TROAP: variants seen among roughly 807,000 people sequenced by gnomAD.
TROAP encodes the protein trophinin associated protein.
In TROAP, 62 loss-of-function variants were observed where a neutral mutation model predicts 83.4. The observed-to-expected ratio is 0.74, with a 90% CI of 0.61 to 0.92. The LOEUF (loss-of-function observed/expected upper bound fraction) is 0.92. Among genes scored for constraint, TROAP ranks in the 40% least tolerant of loss-of-function variants. The pLI, the probability that TROAP is intolerant of heterozygous loss-of-function variation, is 0.00. For missense variants in TROAP, 876 were observed against 985.1 expected (o/e 0.89, Z 1.48); for synonymous variants, 352 against 386.4 (o/e 0.91, Z 1.04).
At position 49,325,551 on chromosome 12, in the gene TROAP, A is replaced by G. The variant is rs1392367405; in HGVS notation, c.388A>G (p.Ile130Val). 6.2e-7 allele frequency: 1 copy of G among 1,613,888 alleles called. No homozygotes were observed. Among genetic ancestry groups the G allele is most frequent in the Non-Finnish European group, 8.5e-7 (1 of 1,180,004 alleles). ...GGCTGACCCTGCAGCCCTGGCCACC[A>G]TCCTGTCAGGTGAGGGTGTGAAGAG... is the stretch of plus-strand genomic sequence containing the variant. ...FVADPAALAT[I>V]LSGEGVKSCH... Residue 130 changes from isoleucine (I) to valine (V), a missense_variant, in exon 4 of 15, where the codon ATC (isoleucine) becomes GTC (valine). Ile to Val is a conservative substitution (Grantham distance 29, BLOSUM62 3). Coordinates refer to ENST00000257909, the MANE Select transcript of TROAP (RefSeq NM_005480.4).
rs1194070116 is a variant in TROAP, at chr12:49,325,709, A to C, written c.496-38A>C. 3 of 1,613,074 alleles carry C rather than the reference A, an allele frequency of 1.9e-6. No individual in the cohort carries two copies. In the South Asian group the frequency reaches 3.3e-5, roughly 18 times the overall value. On this transcript the variant is annotated intron_variant, in intron 4 of 14. Coordinates refer to ENST00000257909, the MANE Select transcript of TROAP (RefSeq NM_005480.4). ...CAGGCTAGGGGGCACTGAGGGGGGC[A>C]TCCTGAGCAGTGCTGACAGCCTCTG...
In TROAP at chr12:49,330,142, C is replaced by T; in HGVS notation, c.1300-3C>T. The T allele has an allele frequency of 4.3e-6, 7 of 1,613,060 alleles. 2 individuals are homozygous for T. In the African/African-American group the frequency reaches 6.7e-5, roughly 15 times the overall value. ...CACACTGGGGTGCTCTCTCCCACCA[C>T]AGCGCATCGGTATCCTGCAACAGCT... On this transcript the variant is annotated splice_polypyrimidine_tract_variant and splice_region_variant and intron_variant, in intron 12 of 14. Coordinates refer to ENST00000257909, the MANE Select transcript of TROAP (RefSeq NM_005480.4).
In TROAP at chr12:49,329,982, G is replaced by A; in HGVS notation, c.1290G>A (p.Val430=). The A allele has an allele frequency of 6.2e-7, 1 of 1,614,090 alleles. No homozygotes were observed. Residue 430 remains valine, a synonymous_variant, in exon 12 of 15, where the codon GTG becomes GTA. Transcript: ENST00000257909. The surrounding 1 kb of genome is among the most constrained non-coding windows in gnomAD (Gnocchi z 4.5). ...ACAGAACCCCCAGCCTCCAGGAGGT[G>A]AAGATTCAAGTGAGTCTGTGTGGCC... ...HSNRTPSLQE[V]KIQRIGILQQ... is the part of the protein sequence containing the mutation.
intron 8 of TROAP, among the ~76,000 whole-genome samples, chr12:49,328,483 G>T (rs1028407126): frequency 2.6e-5 from 4 of 151,992 alleles, no homozygotes; most frequent in South Asian, 2.1e-4. Context: ...TCGGCTTCCC[G>T]AAGTGCTGGG....
intron 3 of TROAP, among the ~76,000 whole-genome samples, chr12:49,325,077 A>AT (rs966570096): frequency 6.7e-6 from 1 of 150,180 alleles, no homozygotes; most frequent in Non-Finnish European, 1.5e-5. Flanking sequence ...GGTCCAGCTA[A>AT]TTTTTTTTTG....
rs758370419 is a variant in TROAP, at chr12:49,330,557, G to T, written c.1712G>T (p.Arg571Leu). The T allele has an allele frequency of 3.7e-6, 6 of 1,611,706 alleles. No homozygotes were observed. The highest frequency in any genetic ancestry group is 2.2e-5 in the East Asian group (1 of 44,790). ...GAGCCTGAGATACCGGAGTCCTCTC[G>T]CCAGGAACAGCTTGAGGTACCTGAG... ...RSEPEIPESS[R>L]QEQLEVPEPC... Residue 571 changes from arginine to leucine, a missense_variant, in exon 13 of 15, where the codon CGC becomes CTC. Arg to Leu is a moderately radical substitution (Grantham distance 102, BLOSUM62 -2). Around this residue, in one of 3 missense-constraint regions of TROAP, gnomAD observed 689 missense variants for 722.6 expected, o/e 0.95. Transcript: ENST00000257909.
intron 8 of TROAP, among the ~76,000 whole-genome samples, chr12:49,327,789 AT>A (rs1198927237): frequency 2.6e-5 from 4 of 150,946 alleles, no homozygotes; most frequent in Non-Finnish European, 5.9e-5. Context: ...TCTCTCTAAA[AT>A]AATAATAATA....
chr12:49,328,169 TG>T (rs1943527302), intron 8 of TROAP, among the ~76,000 whole-genome samples: 1 of 149,054 alleles, frequency 6.7e-6, no homozygotes, highest in Non-Finnish European at 1.5e-5. Flanking sequence ...TGGAAAGCCA[TG>T]GGGAGAGGGG....
Position 49,329,063 on chromosome 12 carries a change from TCAA to T in TROAP, c.1020+13_1020+15del. 1 of 1,612,276 alleles carries T rather than the reference TCAA, an allele frequency of 6.2e-7. No individual in the cohort carries two copies. The highest frequency in any genetic ancestry group is 8.5e-7 in the Non-Finnish European group (1 of 1,178,686). On this transcript the variant is annotated intron_variant, in intron 9 of 14. Transcript: ENST00000257909. The surrounding 1 kb of genome is among the most constrained non-coding windows in gnomAD (Gnocchi z 4.5). ...CCAGGCCCTCCAACTCTGGTTTGTG[TCAA>T]CAACTGGGGGCTGGGCAGGGGCAGA... is the stretch of plus-strand genomic sequence containing the variant.
In TROAP at chr12:49,330,336, C is replaced by G. The variant is rs766368043; in HGVS notation, c.1491C>G (p.His497Gln). ...GTSHLPGLLK[H>Q]SGLPKPCLPE... ...CCCACCTTCCTGGACTGTTAAAACA[C>G]TCAGGGCTGCCAAAGCCCTGTCTTC... Residue 497 changes from histidine to glutamine, a missense_variant, in exon 13 of 15, where the codon CAC becomes CAG. This residue lies in a region of TROAP where 689 missense variants were observed against 722.6 expected (regional missense o/e 0.95). Coordinates refer to ENST00000257909, the MANE Select transcript of TROAP (RefSeq NM_005480.4). The G allele has an allele frequency of 1.9e-6, 3 of 1,614,150 alleles. No homozygotes were observed. The highest frequency in any genetic ancestry group is 2.5e-6 in the Non-Finnish European group (3 of 1,179,984).
Position 49,331,602 on chromosome 12 carries a change from C to G in TROAP, c.2322C>G (p.Pro774=), listed in dbSNP as rs1943584753. ...LCFIPVGSAA[P]QGSP ...TCATTCCAGTTGGTTCTGCTGCCCC[C>G]CAGGGCTCTCCATGATGAGACAACC... The change falls in exon 15 of 15, where the codon CCC becomes CCG. Residue 774 remains proline, a synonymous_variant. Coordinates refer to ENST00000257909, the MANE Select transcript of TROAP (RefSeq NM_005480.4). The G allele has an allele frequency of 1.2e-6, 2 of 1,614,050 alleles. No individual in the cohort carries two copies. Among genetic ancestry groups the G allele is most frequent in the Non-Finnish European group, 1.7e-6 (2 of 1,180,034 alleles).
rs376240230 is a variant in TROAP at position 49,329,120 on chromosome 12, C to T, written c.1021-41C>T. ...GTCTGGCCGGAGATCCTTGCTATGT[C>T]TGGGTTTTGTCCCTGCTCAGCCACC... On this transcript the variant is annotated intron_variant, in intron 9 of 14. Transcript: ENST00000257909. The surrounding 1 kb of genome is among the most constrained non-coding windows in gnomAD (Gnocchi z 4.5). 23 of 1,614,144 alleles carry T rather than the reference C, an allele frequency of 1.4e-5. No homozygotes were observed. In the South Asian group the frequency reaches 2.3e-4, roughly 16 times the overall value.
At chr12:49,326,259 A>T (rs1199101293) in intron 6 of TROAP, 101 bp downstream of exon 6, 1 of 1,171,986 alleles carries the variant, frequency 8.5e-7, no homozygotes, top group African/African-American at 1.5e-5. Context: ...GAGCTTTAGG[A>T]CTCCCCACCA....
intron 7 of TROAP, among the ~76,000 whole-genome samples, 157 bp from the exon 8 acceptor site, chr12:49,327,052 T>C (rs1263857185): frequency 6.6e-6 from 1 of 152,192 alleles, no homozygotes; most frequent in African/African-American, 2.4e-5. Context: ...TTTACTGAGA[T>C]AGTGTTGGGT....
chr12:49,323,691 A>G lies in TROAP; in HGVS notation c.83A>G (p.Lys28Arg), dbSNP rs778926034. Residue 28 changes from lysine (K) to arginine (R), a missense_variant, in exon 2 of 15, where the codon AAA becomes AGA. Physicochemically the swap from Lys to Arg is conservative, Grantham distance 26. This residue lies in a region of TROAP where 689 missense variants were observed against 722.6 expected (regional missense o/e 0.95). Transcript: ENST00000257909. ...TPSKIPVRSQKRTPFPTVTSC... is the reference protein window; with the variant it reads ...TPSKIPVRSQRRTPFPTVTSC... Reference sequence around the variant, plus strand: ...AGCAAGATTCCGGTACGCTCTCAGAAACGCACGCCTTTCCCCACTGTTACA... The same window carrying G: ...AGCAAGATTCCGGTACGCTCTCAGAGACGCACGCCTTTCCCCACTGTTACA... 6.2e-7 allele frequency: 1 copy of G among 1,614,124 alleles called. No individual in the cohort carries two copies. The highest frequency in any genetic ancestry group is 8.5e-7 in the Non-Finnish European group (1 of 1,180,028).
In TROAP at chr12:49,323,351, T is replaced by TAAGGC. The variant is rs1217317956; in HGVS notation, c.-6+4_-6+8dup. The TAAGGC allele has an allele frequency of 6.2e-5, 29 of 467,568 alleles. No individual in the cohort carries two copies. Among genetic ancestry groups the TAAGGC allele is most frequent in the South Asian group, 4.0e-4 (12 of 29,776 alleles). The allele number at this position is 467,568 out of a possible 1,614,324, so 29.0% of individuals were successfully genotyped here. A position where few individuals can be genotyped will look rare whatever the true frequency, so the allele number is the denominator to read the frequency against. ...TAGGCCCTGAGGGGCCTCGGTAAGG[T>TAAGGC]AAGGCACGGGGGTCTTGAAGGGAAC... On this transcript the variant is annotated splice_region_variant and intron_variant, in intron 1 of 14. Transcript: ENST00000257909.
intron 3 of TROAP, chr12:49,324,563 G>A (rs1943464928): frequency 5.7e-6 from 1 of 176,712 alleles, no homozygotes; most frequent in Admixed American, 6.0e-5. Flanking sequence ...CCAGTGCTTA[G>A]AATAGTGTCT....
chr12:49,327,419 A>G, intron 8 of TROAP, 89 bp downstream of exon 8: 2 of 1,550,614 alleles, frequency 1.3e-6, no homozygotes, highest in Non-Finnish European at 8.8e-7. Context: ...TGAGAATTGT[A>G]GGTAGAGCCA....
At position 49,331,053 on chromosome 12, in the gene TROAP, AC is replaced by A. The variant is rs749911194; in HGVS notation, c.2098+113del. The stretch of plus-strand genomic sequence containing the variant: ...GCAATCTCATGCTTCCACACCTTCC[AC>A]CCTGGCCCAGCCTGGCTCTCCCTCA... On this transcript the variant is annotated intron_variant, in intron 13 of 14. Transcript: ENST00000257909. 7.8e-6 allele frequency: 12 copies of A among 1,541,536 alleles called. No individual in the cohort carries two copies. In the East Asian group the frequency reaches 2.5e-4, roughly 32 times the overall value.
Sources: allele counts gnomAD v4.1 joint callset (sites outside exome capture counted in the v4.1 genomes callset), GRCh38; gene constraint gnomAD v4.1.1; regional missense constraint gnomAD v4.1.1; non-coding constraint Gnocchi (gnomAD v3.1); transcripts MANE v1.5; gene names NCBI Gene and HGNC (gene_info 2026-07-23, HGNC 2026-07-21).